The following ZNHIT6 variants were observed in gnomAD, a reference collection of about 807,000 sequenced individuals.
ZNHIT6 encodes zinc finger HIT-type containing 6, also known as box C/D snoRNA protein 1.
A neutral mutation model predicts 57.2 loss-of-function variants in ZNHIT6; 45 were observed. The ratio of observed to expected loss-of-function variants is 0.79; its 90% CI spans 0.62 to 1.01. The LOEUF is 1.01. Ranked by LOEUF, ZNHIT6 falls within the 50% of genes least tolerant of loss-of-function variation. ZNHIT6 has a pLI of 0.00. For missense variants in ZNHIT6, 528 were observed against 567.3 expected (o/e 0.93, Z 0.70); for synonymous variants, 188 against 190.0 (o/e 0.99, Z 0.09).
At chr1:85,695,232 C>A (rs1277190361) in intron 5 of ZNHIT6, among the ~76,000 whole-genome samples, 1 of 151,968 alleles carries the variant, frequency 6.6e-6, no homozygotes, top group Non-Finnish European at 1.5e-5. Flanking sequence ...TGCACCACTG[C>A]ACTCCAGCCT....
rs745472816 is a variant in ZNHIT6 at position 85,707,662 on chromosome 1, G to T, written c.623C>A (p.Pro208Gln). ...KVKEEPPINH[P>Q]VGCKRKLAMS... Reference sequence around the variant, plus strand: ...GGCCAGTTTCCGCTTGCAGCCCACCGGGTGATTTATCGGAGGCTCTTCTTT... The same window carrying T: ...GGCCAGTTTCCGCTTGCAGCCCACCTGGTGATTTATCGGAGGCTCTTCTTT... Residue 208 changes from proline (P) to glutamine (Q), a missense_variant, in exon 1 of 10, where the codon CCG becomes CAG. Physicochemically the swap from Pro to Gln is moderately conservative, Grantham distance 76. Coordinates refer to ENST00000370574, the MANE Select transcript of ZNHIT6 (RefSeq NM_017953.4). 1.3e-6 allele frequency: 2 copies of T among 1,561,512 alleles called. No individual in the cohort carries two copies. Among genetic ancestry groups the T allele is most frequent in the South Asian group, 2.5e-5 (2 of 79,468 alleles).
chr1:85,653,109 A>C lies in ZNHIT6; in HGVS notation c.*949T>G, dbSNP rs905316681. The C allele has an allele frequency of 6.6e-6, 1 of 152,202 alleles. No homozygotes were observed. Among genetic ancestry groups the C allele is most frequent in the Admixed American group, 6.5e-5 (1 of 15,282 alleles). The allele number at this position is 152,202 out of a possible 1,614,324, so 9.4% of individuals were successfully genotyped here. A position where few individuals can be genotyped will look rare whatever the true frequency, so the allele number is the denominator to read the frequency against. ...ATGAGAGTGGGCTAGGAATGTGATG[A>C]AAGGCACAGAATTCATAAGACTTGA... On this transcript the variant is annotated 3_prime_UTR_variant, in exon 10 of 10. Transcript: ENST00000370574.
At chr1:85,684,335 G>A (rs1214536114) in intron 5 of ZNHIT6, among the ~76,000 whole-genome samples, 2 of 152,136 alleles carry the variant, frequency 1.3e-5, no homozygotes, top group Non-Finnish European at 1.5e-5. Context: ...GCATAGCAAA[G>A]CTGTTTCCCT....
Position 85,667,961 on chromosome 1 carries a change from A to AAT in ZNHIT6, c.1247+9273_1247+9274dup, listed in dbSNP as rs1553155849. ...ACTCTCTCTTTCAAAAAAAAAAAAA[A>AAT]ATATATATATATATATATATATATG... On this transcript the variant is annotated intron_variant, in intron 8 of 9. Coordinates refer to ENST00000370574, the MANE Select transcript of ZNHIT6 (RefSeq NM_017953.4). Among the ~76,000 whole-genome samples, 79 of 18,178 alleles carry AAT rather than the reference A, an allele frequency of 4.3e-3. 13 individuals carry two copies. The highest frequency in any genetic ancestry group is 8.1e-3 in the Admixed American group (12 of 1,484). The allele number at this position is 18,178 out of a possible 152,430, so 11.9% of individuals were successfully genotyped here.
intron 5 of ZNHIT6, among the ~76,000 whole-genome samples, chr1:85,691,206 C>T (rs1405666690): frequency 6.6e-6 from 1 of 152,192 alleles, no homozygotes; most frequent in Non-Finnish European, 1.5e-5. Context: ...GCCAAGAAAA[C>T]TTCCTCTCAA....
intron 8 of ZNHIT6, among the ~76,000 whole-genome samples, chr1:85,662,686 A>G (rs750188787): frequency 2.6e-5 from 4 of 152,166 alleles, no homozygotes; most frequent in Non-Finnish European, 4.4e-5. Context: ...TAAAAATCAC[A>G]GTAGTTAAGT....
In ZNHIT6 at chr1:85,706,523, T is replaced by C; in HGVS notation, c.657-16A>G. 1 of 1,532,692 alleles carries C rather than the reference T, an allele frequency of 6.5e-7. No individual in the cohort carries two copies. The highest frequency in any genetic ancestry group is 1.3e-5 in the South Asian group (1 of 75,226). The allele number at this position is 1,532,692 out of a possible 1,614,324, so 94.9% of individuals were successfully genotyped here. On this transcript the variant is annotated splice_polypyrimidine_tract_variant and intron_variant, in intron 1 of 9. Coordinates refer to ENST00000370574, the MANE Select transcript of ZNHIT6 (RefSeq NM_017953.4). ...AGTCTCACACCTACAAAAGCCCACA[T>C]GTAACATTAAATTATCAAATATTAA...
rs1660962319 is a variant in ZNHIT6 at position 85,653,244 on chromosome 1, G to A, written c.*814C>T. 1 of 152,174 alleles carries A rather than the reference G, an allele frequency of 6.6e-6. No homozygotes were observed. The highest frequency in any genetic ancestry group is 2.1e-4 in the South Asian group (1 of 4,826). The allele number at this position is 152,174 out of a possible 1,614,324, so 9.4% of individuals were successfully genotyped here. On this transcript the variant is annotated 3_prime_UTR_variant, in exon 10 of 10. Coordinates refer to ENST00000370574, the MANE Select transcript of ZNHIT6 (RefSeq NM_017953.4). ...TTAATAGTATTTATCCAGGCTTCTA[G>A]TATAAGACATTGTACTAGGAGTTTC...
intron 5 of ZNHIT6, among the ~76,000 whole-genome samples, chr1:85,687,115 C>CA (rs1284846211): frequency 1.3e-5 from 2 of 149,696 alleles, no homozygotes; most frequent in South Asian, 2.1e-4. Flanking sequence ...ACTAAAAATA[C>CA]AAAAAACAAA....
At chr1:85,654,120 T>C (rs745951881) in intron 9 of ZNHIT6, 22 bp from the exon 10 acceptor site, 1 of 1,603,810 alleles carries the variant, frequency 6.2e-7, no homozygotes, top group Non-Finnish European at 8.5e-7. Context: ...TAAGTAAACA[T>C]ACAGTCAAGT....
chr1:85,671,381 G>C (rs1661552775), intron 8 of ZNHIT6, among the ~76,000 whole-genome samples: 1 of 152,096 alleles, frequency 6.6e-6, no homozygotes, highest in South Asian at 2.1e-4. Context: ...TTGACCTCAG[G>C]CGTTCAAGGC....
At position 85,708,237 on chromosome 1, in the gene ZNHIT6, G is replaced by A. The variant is rs150731612; in HGVS notation, c.48C>T (p.His16=). 2 of 1,611,026 alleles carry A rather than the reference G, an allele frequency of 1.2e-6. No individual in the cohort carries two copies. Among genetic ancestry groups the A allele is most frequent in the Non-Finnish European group, 1.7e-6 (2 of 1,177,670 alleles). The change falls in exon 1 of 10, where the codon CAC becomes CAT. Residue 16 remains histidine, a synonymous_variant. Coordinates refer to ENST00000370574, the MANE Select transcript of ZNHIT6 (RefSeq NM_017953.4). The part of the protein sequence containing the change: ...ENEGKSGGGL[H]SVAEGVRLSP... ...TTAGCCGCACCCCCTCAGCTACGCT[G>A]TGGAGACCTCCCCCAGACTTCCCTT...
intron 8 of ZNHIT6, among the ~76,000 whole-genome samples, chr1:85,676,803 C>G (rs535284765): frequency 6.6e-6 from 1 of 152,094 alleles, no homozygotes; most frequent in East Asian, 1.9e-4. Flanking sequence ...ATAGTGCTAA[C>G]GAAAAAGTTT....
At chr1:85,675,081 C>T (rs773762269) in intron 8 of ZNHIT6, among the ~76,000 whole-genome samples, 20 of 152,146 alleles carry the variant, frequency 1.3e-4, no homozygotes, top group Non-Finnish European at 2.5e-4. Context: ...CAGTAATGCC[C>T]GTAAGATGTT....
chr1:85,656,658 T>G (rs1350800008), intron 9 of ZNHIT6, among the ~76,000 whole-genome samples: 7 of 152,134 alleles, frequency 4.6e-5, no homozygotes, highest in Non-Finnish European at 1.0e-4. Flanking sequence ...CTAAAATTCC[T>G]AATTTATTCT....
chr1:85,694,193 T>C (rs1010019590), intron 5 of ZNHIT6, among the ~76,000 whole-genome samples: 2 of 152,202 alleles, frequency 1.3e-5, no homozygotes, highest in African/African-American at 4.8e-5. Context: ...CAAATGTACA[T>C]ACTTAAGATT....
Position 85,651,784 on chromosome 1 carries a change from T to C in ZNHIT6, c.*2274A>G, listed in dbSNP as rs1156911667. On this transcript the variant is annotated 3_prime_UTR_variant, in exon 10 of 10. Transcript: ENST00000370574. ...ACCAGAATTTGACAATAAGCTAACATGGAGAGGGCCTCCAAAAAGATATTG... is the reference window on the plus strand; with the variant it reads ...ACCAGAATTTGACAATAAGCTAACACGGAGAGGGCCTCCAAAAAGATATTG... 1 of 152,174 alleles carries C rather than the reference T, an allele frequency of 6.6e-6. No individual in the cohort carries two copies. The highest frequency in any genetic ancestry group is 6.5e-5 in the Admixed American group (1 of 15,278). 9.4% of individuals were successfully genotyped at this position (152,174 alleles called of 1,614,324 possible).
chr1:85,662,084 C>T (rs1250049839), intron 8 of ZNHIT6, among the ~76,000 whole-genome samples: 2 of 150,322 alleles, frequency 1.3e-5, no homozygotes, highest in Non-Finnish European at 3.0e-5. Flanking sequence ...GACTCTGTCA[C>T]TAACTTTCAA....
rs1426286925 is a variant in ZNHIT6 at position 85,680,877 on chromosome 1, C to T, written c.1047G>A (p.Lys349=). 6.2e-7 allele frequency: 1 copy of T among 1,612,708 alleles called. No homozygotes were observed. The highest frequency in any genetic ancestry group is 8.5e-7 in the Non-Finnish European group (1 of 1,179,382). ...KKKQQFCWHV[K]LQFPQSQAEY... ...CAGCTTGACTTTGAGGAAACTGGAG[C>T]TTCACATGCCAACAAAACTGTTGTT... is the stretch of plus-strand genomic sequence containing the variant. The change falls in exon 6 of 10, where the codon AAG becomes AAA. Residue 349 remains lysine, a synonymous_variant. Transcript: ENST00000370574.
Sources: allele counts gnomAD v4.1 joint callset (sites outside exome capture counted in the v4.1 genomes callset), GRCh38; gene constraint gnomAD v4.1.1; transcripts MANE v1.5; gene names NCBI Gene and HGNC (gene_info 2026-07-23, HGNC 2026-07-21).